CHD7: variants seen among roughly 807,000 people sequenced by gnomAD.
CHD7 encodes ATP-dependent chromatin remodeler CHD7.
CHD7 carries 24 observed loss-of-function variants against 307.3 expected under a neutral mutation model. The ratio of observed to expected loss-of-function variants is 0.08; its 90% CI spans 0.06 to 0.11. CHD7 has a LOEUF of 0.11. CHD7 is among the 10% of genes least tolerant of loss of function. The pLI, the probability that CHD7 is intolerant of heterozygous loss-of-function variation, is 1.00. For synonymous variants in CHD7, 1,363 were observed against 1,349.9 expected (o/e 1.01, Z -0.21); for missense variants, 3,106 against 3,727.1 (o/e 0.83, Z 4.34).
At chr8:60,681,365 T>G (rs939329414) in intron 1 of CHD7, among the ~76,000 whole-genome samples, 2 of 152,176 alleles carry the variant, frequency 1.3e-5, no homozygotes, top group Admixed American at 6.5e-5. Flanking sequence ...CCCTCCAGTC[T>G]TTACCCTAAA....
chr8:60,706,912 C>G (rs548257571), intron 1 of CHD7, among the ~76,000 whole-genome samples: 1 of 151,884 alleles, frequency 6.6e-6, no homozygotes, highest in Non-Finnish European at 1.5e-5. Flanking sequence ...GTTGGTGTGC[C>G]GCACCCATTA....
In CHD7 at chr8:60,856,214, T is replaced by G. The variant is rs1805701058; in HGVS notation, c.7164+12T>G. On this transcript the variant is annotated intron_variant, in intron 33 of 37. Coordinates refer to ENST00000423902, the MANE Select transcript of CHD7 (RefSeq NM_017780.4). ...CTCAGTTGTCAAAGGTGAATTAGAA[T>G]GGCTTGTTTCTGCAGCTTAAAAGGG... The G allele has an allele frequency of 6.4e-7, 1 of 1,554,986 alleles. No homozygotes were observed.
In CHD7 at chr8:60,743,024, A is replaced by G; in HGVS notation, c.1592A>G (p.His531Arg). 1 of 1,613,598 alleles carries G rather than the reference A, an allele frequency of 6.2e-7. No individual in the cohort carries two copies. Among genetic ancestry groups the G allele is most frequent in the South Asian group, 1.1e-5 (1 of 91,044 alleles). The stretch of plus-strand genomic sequence containing the variant: ...TTGCACCACCAGTCTTCACCTCCAC[A>G]CCCTCATCACCAGCCTTGGGCACAG... ...PGLHHQSSPP[H>R]PHHQPWAQLH... Residue 531 changes from histidine to arginine, a missense_variant, in exon 2 of 38, where the codon CAC becomes CGC. His to Arg is a conservative substitution (Grantham distance 29, BLOSUM62 0). This residue lies in a region of CHD7 where 998 missense variants were observed against 1,004.5 expected (regional missense o/e 0.99). Coordinates refer to ENST00000423902, the MANE Select transcript of CHD7 (RefSeq NM_017780.4).
At position 60,800,529 on chromosome 8, in the gene CHD7, A is replaced by G. The variant is rs864622519; in HGVS notation, c.2376+4A>G. On this transcript the variant is annotated splice_donor_region_variant and intron_variant, in intron 5 of 37. Transcript: ENST00000423902. ...CACCTCCCAGTCAGAACAGCAGGTT[A>G]GTACCAGATCTGTGGGATTTATGGA... 1 of 1,610,264 alleles carries G rather than the reference A, an allele frequency of 6.2e-7. No homozygotes were observed. Among genetic ancestry groups the G allele is most frequent in the Non-Finnish European group, 8.5e-7 (1 of 1,178,664 alleles).
chr8:60,813,094 A>G (rs968525015), intron 7 of CHD7, among the ~76,000 whole-genome samples: 3 of 152,154 alleles, frequency 2.0e-5, no homozygotes, highest in African/African-American at 7.2e-5. Flanking sequence ...AGAGTTTTAA[A>G]TATTTTCTTA....
intron 2 of CHD7, among the ~76,000 whole-genome samples, chr8:60,763,831 G>A (rs547491814): frequency 6.6e-6 from 1 of 152,012 alleles, no homozygotes; most frequent in African/African-American, 2.4e-5. Flanking sequence ...CTGGCTTGAG[G>A]GCTGTCTTCT....
intron 2 of CHD7, among the ~76,000 whole-genome samples, chr8:60,757,481 A>G (rs1011865655): frequency 6.6e-5 from 10 of 152,220 alleles, no homozygotes; most frequent in African/African-American, 2.4e-4. Context: ...ATCTCACTAA[A>G]CAGGCATTTG....
chr8:60,714,728 G>A (rs1255465535), intron 1 of CHD7, among the ~76,000 whole-genome samples: 1 of 152,136 alleles, frequency 6.6e-6, no homozygotes, highest in East Asian at 1.9e-4. Context: ...TGGTCGTCTC[G>A]GGAGGCCTTC....
rs1554581580 is a variant in CHD7, at chr8:60,742,657, C to T, written c.1225C>T (p.Pro409Ser). Residue 409 changes from proline to serine, a missense_variant, in exon 2 of 38, where the codon CCT becomes TCT. Physicochemically the swap from Pro to Ser is moderately conservative, Grantham distance 74. Transcript: ENST00000423902. ...AGCAATGAGTAATCCAGCAGGCACT[C>T]CTCCTCCACAAGTCAGGCCGGGAAG... Reference protein sequence around the residue: ...MKAMSNPAGTPPPQVRPGSAG... With the variant: ...MKAMSNPAGTSPPQVRPGSAG... The T allele has an allele frequency of 1.9e-5, 30 of 1,610,476 alleles. No homozygotes were observed. The highest frequency in any genetic ancestry group is 2.3e-5 in the Non-Finnish European group (27 of 1,177,540).
rs1027524513 is a variant in CHD7 at position 60,781,528 on chromosome 8, C to G, written c.2096+98C>G. On this transcript the variant is annotated intron_variant, in intron 3 of 37. Coordinates refer to ENST00000423902, the MANE Select transcript of CHD7 (RefSeq NM_017780.4). ...ATGAAATGAGGGGTGGGAGGGGACA[C>G]AATGATTTTTGTCATCATTGAGTTT... 2.1e-6 allele frequency: 3 copies of G among 1,398,614 alleles called. No homozygotes were observed. The Admixed American group carries it at 9.8e-5, about 46-fold the overall frequency. The allele number at this position is 1,398,614 out of a possible 1,614,324, so 86.6% of individuals were successfully genotyped here.
chr8:60,710,202 T>C (rs549171566), intron 1 of CHD7, among the ~76,000 whole-genome samples: 1 of 151,662 alleles, frequency 6.6e-6, no homozygotes, highest in Non-Finnish European at 1.5e-5. Flanking sequence ...TCTTAGTTGA[T>C]CATAATTCTT....
chr8:60,724,282 C>T (rs1808061994), intron 1 of CHD7, among the ~76,000 whole-genome samples: 1 of 152,190 alleles, frequency 6.6e-6, no homozygotes, highest in South Asian at 2.1e-4. Flanking sequence ...CACAAGAGTT[C>T]AGAACTTGGG....
chr8:60,847,189 G>A (rs554839387), intron 23 of CHD7, among the ~76,000 whole-genome samples: 4 of 152,332 alleles, frequency 2.6e-5, no homozygotes, highest in East Asian at 3.9e-4. Context: ...CTGGCCGTGA[G>A]TAGGCTCGTG....
intron 6 of CHD7, among the ~76,000 whole-genome samples, chr8:60,804,458 T>G (rs1812450375): frequency 6.6e-6 from 1 of 152,180 alleles, no homozygotes; most frequent in African/African-American, 2.4e-5. Context: ...AGTGTGTGTT[T>G]TAAGTATGTA....
intron 7 of CHD7, among the ~76,000 whole-genome samples, chr8:60,812,161 A>AT (rs571514190): frequency 0.01 from 1,564 of 152,140 alleles, 28 homozygotes; most frequent in African/African-American, 0.036. Flanking sequence ...AGATTTATCA[A>AT]TTTTTTCTTT....
chr8:60,801,931 T>C (rs1023242495), intron 6 of CHD7, among the ~76,000 whole-genome samples: 14 of 152,322 alleles, frequency 9.2e-5, no homozygotes, highest in Middle Eastern at 3.4e-3. Flanking sequence ...TTCTAATCTC[T>C]CTCAGGAAGG....
intron 28 of CHD7, 62 bp downstream of exon 28, chr8:60,851,381 T>G: frequency 8.1e-7 from 1 of 1,227,828 alleles, no homozygotes; most frequent in Non-Finnish European, 1.2e-6. Flanking sequence ...ATTGTTCACG[T>G]GGTAGGGACT....
Position 60,742,096 on chromosome 8 carries a change from C to G in CHD7, c.664C>G (p.Gln222Glu). 1 of 1,613,992 alleles carries G rather than the reference C, an allele frequency of 6.2e-7. No homozygotes were observed. Among genetic ancestry groups the G allele is most frequent in the African/African-American group, 1.3e-5 (1 of 75,032 alleles). Residue 222 changes from glutamine to glutamate, a missense_variant, in exon 2 of 38, where the codon CAG (glutamine) becomes GAG (glutamate). Transcript: ENST00000423902. ...TTCCCAAGGCCAAGAGGGCCTCAAT[C>G]AGGGAAATCCTTTTATTGCCACCTC... is the stretch of plus-strand genomic sequence containing the variant. ...QFSQGQEGLN[Q>E]GNPFIATSGP...
chr8:60,690,019 T>C (rs1344474596), intron 1 of CHD7, among the ~76,000 whole-genome samples: 2 of 152,208 alleles, frequency 1.3e-5, no homozygotes, highest in African/African-American at 4.8e-5. Flanking sequence ...CGTTAACTTG[T>C]GTGAATATGC....
Sources: gnomAD v4.1 joint callset for allele counts (sites outside exome capture counted in the v4.1 genomes callset) on GRCh38, gnomAD v4.1.1 for gene constraint, gnomAD v4.1.1 regional missense constraint, MANE v1.5 for transcripts, NCBI Gene and HGNC (gene_info 2026-07-23, HGNC 2026-07-21) for gene names.